The following PLCG2 variants were observed in gnomAD, a reference collection of about 807,000 sequenced individuals.
PLCG2 encodes the protein 1-phosphatidylinositol 4,5-bisphosphate phosphodiesterase gamma-2.
Under a neutral mutation model 175.6 loss-of-function variants are expected in PLCG2, and 69 were observed. The ratio of observed to expected loss-of-function variants is 0.39; its 90% CI spans 0.32 to 0.48. The LOEUF is 0.48. PLCG2 is among the 20% of genes least tolerant of loss of function. The probability of loss-of-function intolerance (pLI) is 0.91; values close to 1 mark genes in which losing one functional copy is unlikely to be tolerated. For synonymous variants in PLCG2, 827 were observed against 624.0 expected, an observed-to-expected ratio of 1.33 and a Z score of -4.85; for missense variants, 1,798 against 1,650.9, an observed-to-expected ratio of 1.09 and a Z score of -1.54.
chr16:81,909,120 C>G (rs974148386), intron 17 of PLCG2, among the ~76,000 whole-genome samples: 2 of 152,238 alleles, frequency 1.3e-5, no homozygotes, highest in African/African-American at 4.8e-5. Flanking sequence ...GTGCCCTGTG[C>G]TAGACACAGT....
chr16:81,828,070 A>G (rs572852142), intron 2 of PLCG2, among the ~76,000 whole-genome samples: 59 of 148,146 alleles, frequency 4.0e-4, no homozygotes, highest in African/African-American at 1.4e-3. Flanking sequence ...AGCCTGCGCA[A>G]CAAGAGCAAA....
In PLCG2 at chr16:81,928,578, A is replaced by G. The variant is rs1057519832; in HGVS notation, c.2535A>G (p.Leu845=). The G allele has an allele frequency of 1.2e-5, 20 of 1,605,800 alleles. No individual in the cohort carries two copies. The highest frequency in any genetic ancestry group is 1.7e-5 in the Non-Finnish European group (20 of 1,172,498). The part of the protein sequence containing the change: ...LEKQIIEDNP[L]GSLCRGILDL... Reference sequence around the variant, plus strand: ...CACAGATTATTGAAGACAATCCCTTAGGGTCTCTTTGCAGAGGAATATTGG... The same window carrying G: ...CACAGATTATTGAAGACAATCCCTTGGGGTCTCTTTGCAGAGGAATATTGG... The change falls in exon 24 of 33, where the codon TTA becomes TTG. Residue 845 remains leucine (L), a synonymous_variant. Transcript: ENST00000564138.
At chr16:81,751,069 C>T (rs150984962) in intron 1 of PLCG2, among the ~76,000 whole-genome samples, 349 of 148,632 alleles carry the variant, frequency 2.3e-3, no homozygotes, top group Non-Finnish European at 3.1e-3. Flanking sequence ...CAACCTCCAC[C>T]TCCAGGGTTT....
chr16:81,870,959 A>G, intron 7 of PLCG2, 24 bp downstream of exon 7: 1 of 1,265,110 alleles, frequency 7.9e-7, no homozygotes, highest in South Asian at 1.3e-5. Flanking sequence ...TGAGCAAGTG[A>G]TCAAGTGATG....
chr16:81,809,209 A>G lies in PLCG2; in HGVS notation c.193+23027A>G, dbSNP rs374097370. Among the ~76,000 whole-genome samples the G allele has an allele frequency of 2.0e-4, 30 of 152,216 alleles. No individual in the cohort carries two copies. The East Asian group carries it at 3.5e-3, about 18-fold the overall frequency. ...CCCTCAGCACACACCTCTGCACACC[A>G]CAAGCCACTTGCTGGAAACACCTGT... On this transcript the variant is annotated intron_variant, in intron 2 of 32. Coordinates refer to ENST00000564138, the MANE Select transcript of PLCG2 (RefSeq NM_002661.5).
intron 7 of PLCG2, among the ~76,000 whole-genome samples, chr16:81,879,331 C>G (rs929617334): frequency 1.3e-5 from 2 of 152,150 alleles, no homozygotes; most frequent in African/African-American, 4.8e-5. Flanking sequence ...ATCTGCAACA[C>G]CACCCCTTTT....
intron 2 of PLCG2, among the ~76,000 whole-genome samples, chr16:81,787,393 A>ATTTCTTTTTTTTTTTT (rs764882703): frequency 1.1e-5 from 1 of 94,582 alleles, no homozygotes; most frequent in Non-Finnish European, 2.0e-5. Context: ...GGATAATTTA[A>ATTTCTTTTTTTTTTTT]TTTTTTTTTT....
intron 2 of PLCG2, among the ~76,000 whole-genome samples, chr16:81,756,416 G>A (rs1358035752): frequency 6.6e-6 from 1 of 152,238 alleles, no homozygotes; most frequent in Non-Finnish European, 1.5e-5. Context: ...TTATACGGCA[G>A]CTATTATTAT....
At chr16:81,821,138 C>T (rs887782146) in intron 2 of PLCG2, among the ~76,000 whole-genome samples, 11 of 152,232 alleles carry the variant, frequency 7.2e-5, no homozygotes, top group East Asian at 1.9e-4. Context: ...ATGATCTGCC[C>T]GCCTCGGCCT....
At chr16:81,859,744 G>T (rs530338123) in intron 5 of PLCG2, among the ~76,000 whole-genome samples, 3 of 151,978 alleles carry the variant, frequency 2.0e-5, no homozygotes, top group African/African-American at 7.3e-5. Flanking sequence ...CACCATGTTC[G>T]GCAGGATGGT....
At position 81,785,975 on chromosome 16, in the gene PLCG2, C is replaced by T; in HGVS notation, c.-15C>T. The stretch of plus-strand genomic sequence containing the variant: ...ATTTCTCCCGATTCCTTCCTTCTCC[C>T]TGGAGCGGCCGACAATGTCCACCAC... On this transcript the variant is annotated 5_prime_UTR_variant, in exon 2 of 33. Transcript: ENST00000564138. The T allele has an allele frequency of 6.2e-7, 1 of 1,609,964 alleles. No homozygotes were observed. Among genetic ancestry groups the T allele is most frequent in the Non-Finnish European group, 8.5e-7 (1 of 1,177,032 alleles).
intron 2 of PLCG2, among the ~76,000 whole-genome samples, chr16:81,764,736 A>T (rs1910108931): frequency 6.6e-6 from 1 of 152,188 alleles, no homozygotes; most frequent in Non-Finnish European, 1.5e-5. Context: ...TGTATTTGGA[A>T]AGAGGGTCTT....
chr16:81,862,031 C>T (rs973632889), intron 5 of PLCG2, among the ~76,000 whole-genome samples: 2 of 152,260 alleles, frequency 1.3e-5, no homozygotes, highest in African/African-American at 4.8e-5. Flanking sequence ...GAAAATCCCA[C>T]CTTTCCTGTG....
intron 15 of PLCG2, among the ~76,000 whole-genome samples, chr16:81,907,053 A>C (rs1212008293): frequency 1.3e-5 from 2 of 151,798 alleles, no homozygotes; most frequent in African/African-American, 4.8e-5. Context: ...AAAAAAAAAA[A>C]AACAGTGCAG....
In PLCG2 at chr16:81,900,735, C is replaced by G; in HGVS notation, c.1317C>G (p.Asp439Glu). 3.1e-6 allele frequency: 5 copies of G among 1,608,450 alleles called. No individual in the cohort carries two copies. The East Asian group carries it at 1.1e-4, about 36-fold the overall frequency. ...LLTKPTEASA[D>E]QLPSPSQLRE... Reference sequence around the variant, plus strand: ...CGAAGCCCACGGAGGCCAGTGCTGACCAGCTGCCCTCGCCCAGCCAGCTGC... The same window carrying G: ...CGAAGCCCACGGAGGCCAGTGCTGAGCAGCTGCCCTCGCCCAGCCAGCTGC... The change falls in exon 14 of 33, where the codon GAC (aspartate) becomes GAG (glutamate). Residue 439 changes from aspartate to glutamate, a missense_variant. Transcript: ENST00000564138.
At chr16:81,850,362 A>G (rs909021569) in intron 2 of PLCG2, among the ~76,000 whole-genome samples, 1 of 152,238 alleles carries the variant, frequency 6.6e-6, no homozygotes, top group African/African-American at 2.4e-5. Flanking sequence ...GAAACAAACA[A>G]ACAAAAAAGT....
At chr16:81,758,064 C>A (rs576985896) in intron 2 of PLCG2, among the ~76,000 whole-genome samples, 40 of 152,308 alleles carry the variant, frequency 2.6e-4, no homozygotes, top group South Asian at 2.5e-3. Flanking sequence ...CAGCTTCCAC[C>A]TCACGGGCTC....
intron 15 of PLCG2, among the ~76,000 whole-genome samples, chr16:81,907,181 T>G (rs889490495): frequency 5.9e-5 from 9 of 152,176 alleles, no homozygotes; most frequent in African/African-American, 2.2e-4. Context: ...AAAAAGAGTT[T>G]CTGCATACCC....
intron 2 of PLCG2, among the ~76,000 whole-genome samples, chr16:81,759,521 C>T (rs1909995123): frequency 6.6e-6 from 1 of 152,270 alleles, no homozygotes; most frequent in Non-Finnish European, 1.5e-5. Context: ...CATTTTCAAC[C>T]TGAATAGATC....
Sources: gnomAD v4.1 joint callset for allele counts (sites outside exome capture counted in the v4.1 genomes callset) on GRCh38, gnomAD v4.1.1 for gene constraint, MANE v1.5 for transcripts, NCBI Gene and HGNC (gene_info 2026-07-23, HGNC 2026-07-21) for gene names.